The following NEGR1 variants were observed in gnomAD, a reference collection of about 807,000 sequenced individuals.
The protein encoded by NEGR1 is neuronal growth regulator 1.
A neutral mutation model predicts 40.9 loss-of-function variants in NEGR1; 10 were observed. The observed-to-expected ratio is 0.24, with a 90% CI of 0.15 to 0.42. The LOEUF (loss-of-function observed/expected upper bound fraction) is 0.42. NEGR1 is among the 10% of genes least tolerant of loss of function. The pLI is 1.00. For missense variants in NEGR1, 352 were observed against 438.9 expected (o/e 0.80, Z 1.77); for synonymous variants, 185 against 166.8 (o/e 1.11, Z -0.84).
chr1:71,798,456 T>A (rs1657421805), intron 2 of NEGR1, among the ~76,000 whole-genome samples: 2 of 152,134 alleles, frequency 1.3e-5, no homozygotes, highest in Admixed American at 6.6e-5. Context: ...TTGCATGTAA[T>A]AAAAGAACAG....
intron 1 of NEGR1, among the ~76,000 whole-genome samples, chr1:72,031,611 G>A (rs1398021983): frequency 6.6e-6 from 1 of 152,104 alleles, no homozygotes; most frequent in Admixed American, 6.5e-5. Context: ...AAGCATTACC[G>A]AATTTTATAG....
intron 4 of NEGR1, among the ~76,000 whole-genome samples, chr1:71,661,887 A>C (rs1373204783): frequency 6.6e-6 from 1 of 152,224 alleles, no homozygotes; most frequent in Non-Finnish European, 1.5e-5. Context: ...TGGTTTTACA[A>C]ACCCAACTCT....
chr1:71,589,420 T>A (rs503867), intron 6 of NEGR1, among the ~76,000 whole-genome samples: 1 of 152,104 alleles, frequency 6.6e-6, no homozygotes, highest in South Asian at 2.1e-4. Flanking sequence ...GCTGAAACTA[T>A]CACCTCCATT....
chr1:71,559,019 G>GTGTGTATATATATATA (rs377263417), intron 6 of NEGR1, among the ~76,000 whole-genome samples: 44 of 114,040 alleles, frequency 3.9e-4, no homozygotes, highest in Non-Finnish European at 4.2e-4. Context: ...CTGTGTGTGT[G>GTGTGTATATATATATA]TATATATATA....
At chr1:71,522,757 G>T (rs900025754) in intron 6 of NEGR1, among the ~76,000 whole-genome samples, 1 of 93,464 alleles carries the variant, frequency 1.1e-5, no homozygotes, top group Non-Finnish European at 2.6e-5. Context: ...ACACACACAC[G>T]CACAATACTT....
At chr1:72,110,485 T>C (rs915640733) in intron 1 of NEGR1, among the ~76,000 whole-genome samples, 28 of 151,658 alleles carry the variant, frequency 1.8e-4, no homozygotes, top group African/African-American at 6.5e-4. Context: ...GTAGCCATGG[T>C]AATTATCTGC....
intron 6 of NEGR1, among the ~76,000 whole-genome samples, chr1:71,414,926 C>T (rs1379889517): frequency 6.6e-6 from 1 of 152,048 alleles, no homozygotes; most frequent in Non-Finnish European, 1.5e-5. Context: ...TTTATGATTC[C>T]CTACTGCAGT....
chr1:72,141,044 T>C lies in NEGR1; in HGVS notation c.176+141275A>G, dbSNP rs545946974. On this transcript the variant is annotated intron_variant, in intron 1 of 6. Coordinates refer to ENST00000357731, the MANE Select transcript of NEGR1 (RefSeq NM_173808.3). ...TGTACACTAACATGATATGATATAA[T>C]GTAGTAAATCCTAAAACCGAAAAAT... 2.0e-5 allele frequency among the ~76,000 whole-genome samples: 3 copies of C among 152,068 alleles called. No homozygotes were observed. In the South Asian group the frequency reaches 6.2e-4, roughly 32 times the overall value.
At chr1:72,214,782 C>A (rs1653737064) in intron 1 of NEGR1, among the ~76,000 whole-genome samples, 1 of 151,926 alleles carries the variant, frequency 6.6e-6, no homozygotes. Context: ...GGCCATACTG[C>A]CCAAAGTAAT....
At chr1:71,577,914 T>G (rs539412688) in intron 6 of NEGR1, among the ~76,000 whole-genome samples, 1 of 152,130 alleles carries the variant, frequency 6.6e-6, no homozygotes, top group Non-Finnish European at 1.5e-5. Context: ...TGGAGCTATT[T>G]TTTTTCCCAG....
At chr1:71,990,975 T>C (rs1192804364) in intron 1 of NEGR1, among the ~76,000 whole-genome samples, 6 of 151,810 alleles carry the variant, frequency 4.0e-5, no homozygotes, top group African/African-American at 4.8e-5. Flanking sequence ...CTGTGTCCAA[T>C]TGAACAGTCT....
intron 2 of NEGR1, among the ~76,000 whole-genome samples, chr1:71,856,407 A>G (rs1659768040): frequency 6.6e-6 from 1 of 152,120 alleles, no homozygotes; most frequent in Non-Finnish European, 1.5e-5. Context: ...TTTATCCATT[A>G]ATTTCACCCA....
At chr1:71,648,120 C>T (rs1051278250) in intron 4 of NEGR1, among the ~76,000 whole-genome samples, 3 of 151,918 alleles carry the variant, frequency 2.0e-5, no homozygotes, top group Non-Finnish European at 1.5e-5. Flanking sequence ...TTGTTTATAA[C>T]TTTCTTAAAA....
At chr1:72,001,674 G>C (rs1490796763) in intron 1 of NEGR1, among the ~76,000 whole-genome samples, 2 of 149,464 alleles carry the variant, frequency 1.3e-5, no homozygotes, top group Admixed American at 6.8e-5. Flanking sequence ...AATTAAGGAG[G>C]GCATTACGAA....
chr1:71,688,210 T>A (rs903736565), intron 4 of NEGR1, among the ~76,000 whole-genome samples: 10 of 149,228 alleles, frequency 6.7e-5, no homozygotes, highest in African/African-American at 2.2e-4. Context: ...TGACCCAGGT[T>A]GAATTTAAAG....
At chr1:71,533,815 T>C (rs1167806069) in intron 6 of NEGR1, among the ~76,000 whole-genome samples, 1 of 151,678 alleles carries the variant, frequency 6.6e-6, no homozygotes, top group South Asian at 2.1e-4. Flanking sequence ...ACACCATCAC[T>C]GGCAATGCTA....
At position 71,916,905 on chromosome 1, in the gene NEGR1, CAA is replaced by C. The variant is rs749141729; in HGVS notation, c.409+18172_409+18173del. 3.0e-4 allele frequency among the ~76,000 whole-genome samples: 45 copies of C among 152,114 alleles called. 2 individuals are homozygous for C. The highest frequency in any genetic ancestry group is 1.2e-4 in the Non-Finnish European group (8 of 68,016). Reference sequence around the variant, plus strand: ...GGTAGTGTTTTTATTCTGAGCTTAGCAAAAGAGGTCCATGGGGCTGTGTGTGA... The same window carrying C: ...GGTAGTGTTTTTATTCTGAGCTTAGCAAGAGGTCCATGGGGCTGTGTGTGA... On this transcript the variant is annotated intron_variant, in intron 2 of 6. Transcript: ENST00000357731.
chr1:71,488,176 T>C (rs1247678676), intron 6 of NEGR1: 1 of 151,850 alleles, frequency 6.6e-6, no homozygotes, highest in African/African-American at 2.4e-5. Flanking sequence ...AAGTTCACAG[T>C]GCTGGTTACT....
chr1:71,532,227 G>A (rs932335169), intron 6 of NEGR1, among the ~76,000 whole-genome samples: 4 of 151,404 alleles, frequency 2.6e-5, no homozygotes, highest in African/African-American at 9.7e-5. Context: ...CTTTTATCTC[G>A]ATTTCATGTC....
Sources: gnomAD v4.1 joint callset for allele counts (sites outside exome capture counted in the v4.1 genomes callset) on GRCh38, gnomAD v4.1.1 for gene constraint, MANE v1.5 for transcripts, NCBI Gene and HGNC (gene_info 2026-07-23, HGNC 2026-07-21) for gene names.